RASA1: variants seen among roughly 807,000 people sequenced by gnomAD.
RASA1 encodes the protein RAS p21 protein activator 1, also known as ras GTPase-activating protein 1.
In RASA1, 25 loss-of-function variants were observed where a neutral mutation model predicts 132.2. The ratio of observed to expected loss-of-function variants is 0.19; its 90% CI spans 0.14 to 0.26. RASA1 has a LOEUF of 0.26. Among genes scored for constraint, RASA1 ranks in the 10% least tolerant of loss-of-function variants. The pLI is 1.00. For synonymous variants in RASA1, 477 were observed against 449.9 expected, an observed-to-expected ratio of 1.06 and a Z score of -0.76; for missense variants, 964 against 1,299.2, an observed-to-expected ratio of 0.74 and a Z score of 3.97.
In RASA1 at chr5:87,269,281, A is replaced by T; in HGVS notation, c.539+291A>T. The T allele has an allele frequency of 2.0e-6, 3 of 1,536,692 alleles. No homozygotes were observed. In the South Asian group the frequency reaches 3.6e-5, roughly 18 times the overall value. On this transcript the variant is annotated intron_variant, in intron 1 of 24. Coordinates refer to ENST00000274376, the MANE Select transcript of RASA1 (RefSeq NM_002890.3). ...ACCGGATATAGTTCTGTCCCTTCCA[A>T]GTTGAGGTGGTGTCCCAGAATTTAG...
chr5:87,332,448 T>A, intron 2 of RASA1, 59 bp from the exon 3 acceptor site: 1 of 1,503,914 alleles, frequency 6.6e-7, no homozygotes, highest in Non-Finnish European at 9.2e-7. Context: ...TTATAAAACT[T>A]GATTTTTAAA....
chr5:87,356,494 A>G (rs954761290), intron 9 of RASA1, among the ~76,000 whole-genome samples: 3 of 151,824 alleles, frequency 2.0e-5, no homozygotes, highest in African/African-American at 7.3e-5. Context: ...GGCTCAAGCA[A>G]TCCTCCTGCC....
Position 87,378,527 on chromosome 5 carries a change from C to A in RASA1, c.2476C>A (p.Gln826Lys). 2 of 1,609,536 alleles carry A rather than the reference C, an allele frequency of 1.2e-6. No homozygotes were observed. Among genetic ancestry groups the A allele is most frequent in the Non-Finnish European group, 1.7e-6 (2 of 1,176,046 alleles). ...DSILKIMESK[Q>K]SCELSPSKLE... ...TATTTTAAAGATAATGGAAAGCAAG[C>A]AGTCTTGTGAGGTAAGAATTTAATG... Residue 826 changes from glutamine (Q) to lysine (K), a missense_variant, in exon 18 of 25, where the codon CAG (glutamine) becomes AAG (lysine). Gln to Lys is a moderately conservative substitution (Grantham distance 53). This residue lies in a region of RASA1 where 346 missense variants were observed against 520.1 expected (regional missense o/e 0.67). Coordinates refer to ENST00000274376, the MANE Select transcript of RASA1 (RefSeq NM_002890.3).
chr5:87,269,214 T>C, intron 1 of RASA1: 1 of 1,575,902 alleles, frequency 6.3e-7, no homozygotes, highest in South Asian at 1.1e-5. Flanking sequence ...AAGTGTAAAG[T>C]CTTTAAGATG....
intron 1 of RASA1, among the ~76,000 whole-genome samples, chr5:87,302,511 CAG>C (rs1454165474): frequency 1.3e-5 from 2 of 150,014 alleles, no homozygotes; most frequent in South Asian, 2.2e-4. Context: ...GTTTTTTTAA[CAG>C]AAGTTAATTT....
At chr5:87,284,580 A>G (rs1178982328) in intron 1 of RASA1, among the ~76,000 whole-genome samples, 2 of 152,244 alleles carry the variant, frequency 1.3e-5, no homozygotes, top group African/African-American at 4.8e-5. Flanking sequence ...GGACACTGCA[A>G]TGCTTTATTG....
At chr5:87,381,450 T>C (rs1189904798) in intron 20 of RASA1, among the ~76,000 whole-genome samples, 1 of 152,228 alleles carries the variant, frequency 6.6e-6, no homozygotes. Flanking sequence ...AATTTGTTAT[T>C]TAGAATATAC....
intron 1 of RASA1, among the ~76,000 whole-genome samples, chr5:87,315,109 TAAA>T (rs1232591211): frequency 2.6e-5 from 4 of 152,238 alleles, no homozygotes; most frequent in Non-Finnish European, 5.9e-5. Flanking sequence ...ACTATGTTCA[TAAA>T]GAAGTACAGA....
chr5:87,345,502 CCT>C (rs1311745809), intron 6 of RASA1, among the ~76,000 whole-genome samples: 1 of 152,074 alleles, frequency 6.6e-6, no homozygotes, highest in East Asian at 1.9e-4. Context: ...CAGTATAGAA[CCT>C]CACTACTTGT....
intron 9 of RASA1, among the ~76,000 whole-genome samples, chr5:87,359,864 G>A (rs921949883): frequency 1.3e-4 from 20 of 152,164 alleles, no homozygotes; most frequent in African/African-American, 4.8e-4. Context: ...ATGTTTTCAT[G>A]TCTAGAAAGG....
chr5:87,282,879 T>C (rs1754376621), intron 1 of RASA1, among the ~76,000 whole-genome samples: 1 of 152,200 alleles, frequency 6.6e-6, no homozygotes, highest in South Asian at 2.1e-4. Context: ...TGTATGTGTG[T>C]TGTGTACAAC....
chr5:87,268,955 G>A lies in RASA1; in HGVS notation c.504G>A (p.Glu168=), dbSNP rs774241504. 4 of 1,614,202 alleles carry A rather than the reference G, an allele frequency of 2.5e-6. No homozygotes were observed. Among genetic ancestry groups the A allele is most frequent in the East Asian group, 2.2e-5 (1 of 44,882 alleles). ...SLDGPEYEEE[E]VAIPLTAPPT... ...ATGGACCAGAATACGAGGAGGAAGA[G>A]GTGGCCATACCGTTGACCGCTCCTC... The change falls in exon 1 of 25, where the codon GAG becomes GAA. Residue 168 remains glutamate, a synonymous_variant. Coordinates refer to ENST00000274376, the MANE Select transcript of RASA1 (RefSeq NM_002890.3).
At chr5:87,281,142 T>C (rs975653477) in intron 1 of RASA1, among the ~76,000 whole-genome samples, 1 of 152,152 alleles carries the variant, frequency 6.6e-6, no homozygotes, top group Non-Finnish European at 1.5e-5. Context: ...TGTTTTTAAT[T>C]TTTTAAGGAA....
rs200329414 is a variant in RASA1 at position 87,282,966 on chromosome 5, A to AT, written c.539+13984dup. ...ACCTGCGTTACCTTACGTACTCAGC[A>AT]TTTTTTTTGTGTGTGCTGAAAACAC... On this transcript the variant is annotated intron_variant, in intron 1 of 24. Transcript: ENST00000274376. Among the ~76,000 whole-genome samples the AT allele has an allele frequency of 1.1e-3, 161 of 151,934 alleles. 2 individuals are homozygous for AT. The highest frequency in any genetic ancestry group is 3.7e-3 in the African/African-American group (155 of 41,474).
chr5:87,271,106 C>T (rs1267694694), intron 1 of RASA1, among the ~76,000 whole-genome samples: 3 of 151,948 alleles, frequency 2.0e-5, no homozygotes, highest in Admixed American at 6.5e-5. Flanking sequence ...GGCGTGGTGG[C>T]GGGTGCCTGT....
At chr5:87,291,122 C>T (rs1365445210) in intron 1 of RASA1, among the ~76,000 whole-genome samples, 1 of 152,084 alleles carries the variant, frequency 6.6e-6, no homozygotes, top group East Asian at 1.9e-4. Flanking sequence ...TTTGATATTG[C>T]CAGATTTTTG....
At chr5:87,290,308 A>G (rs1436678530) in intron 1 of RASA1, among the ~76,000 whole-genome samples, 2 of 152,238 alleles carry the variant, frequency 1.3e-5, no homozygotes, top group African/African-American at 4.8e-5. Flanking sequence ...ATAGGCACAA[A>G]AATTTTATTT....
At chr5:87,340,557 ATAG>A (rs1758358605) in intron 5 of RASA1, among the ~76,000 whole-genome samples, 1 of 152,108 alleles carries the variant, frequency 6.6e-6, no homozygotes, top group Non-Finnish European at 1.5e-5. Context: ...TTTCTCCATA[ATAG>A]TGGAATGAGT....
chr5:87,272,392 G>A (rs1421268214), intron 1 of RASA1, among the ~76,000 whole-genome samples: 1 of 152,108 alleles, frequency 6.6e-6, no homozygotes, highest in African/African-American at 2.4e-5. Context: ...AGGCAATGCA[G>A]TGTAGTGGTT....
Sources: allele counts gnomAD v4.1 joint callset (sites outside exome capture counted in the v4.1 genomes callset), GRCh38; gene constraint gnomAD v4.1.1; regional missense constraint gnomAD v4.1.1; transcripts MANE v1.5; gene names NCBI Gene and HGNC (gene_info 2026-07-23, HGNC 2026-07-21).